CAPRIN1: variants seen among roughly 807,000 people sequenced by gnomAD.
CAPRIN1 encodes the protein cell cycle associated protein 1, also known as caprin-1.
In CAPRIN1, 29 loss-of-function variants were observed where a neutral mutation model predicts 100.9. The ratio of observed to expected loss-of-function variants is 0.29; its 90% CI spans 0.21 to 0.39. The LOEUF (loss-of-function observed/expected upper bound fraction) is 0.39. Ranked by LOEUF, CAPRIN1 falls within the 10% of genes least tolerant of loss-of-function variation. The probability of loss-of-function intolerance (pLI) is 1.00; values close to 1 mark genes in which losing one functional copy is unlikely to be tolerated. For missense variants in CAPRIN1, 795 were observed against 876.7 expected (o/e 0.91, Z 1.18); for synonymous variants, 338 against 307.5 (o/e 1.10, Z -1.04).
At chr11:34,097,018 G>C (rs1476430499) in intron 16 of CAPRIN1, among the ~76,000 whole-genome samples, 178 bp from the exon 17 acceptor site, 1 of 152,138 alleles carries the variant, frequency 6.6e-6, no homozygotes, top group Non-Finnish European at 1.5e-5. Flanking sequence ...TATCTTCTGA[G>C]GGGCAGTTAG....
intron 11 of CAPRIN1, among the ~76,000 whole-genome samples, chr11:34,088,995 ATGG>A (rs953379514): frequency 2.6e-5 from 4 of 152,068 alleles, no homozygotes; most frequent in African/African-American, 9.7e-5. Flanking sequence ...ATTGCTGGGC[ATGG>A]TGGTTCATTC....
At chr11:34,087,320 ATC>A (rs1203500158) in intron 11 of CAPRIN1, among the ~76,000 whole-genome samples, 4 of 139,458 alleles carry the variant, frequency 2.9e-5, no homozygotes, top group Non-Finnish European at 6.1e-5. Flanking sequence ...GGGAGCTCAT[ATC>A]TCTCACATTT....
In CAPRIN1 at chr11:34,058,141, C is replaced by T. The variant is rs546761664; in HGVS notation, c.216+5505C>T. ...TGGAATGGGTGATTTCCAAAATTCT[C>T]GCAGTTTTTTTTGAAACAGAATCTT... On this transcript the variant is annotated intron_variant, in intron 2 of 18. Transcript: ENST00000341394. 1.4e-4 allele frequency among the ~76,000 whole-genome samples: 22 copies of T among 152,082 alleles called. No homozygotes were observed. In the South Asian group the frequency reaches 3.5e-3, roughly 24 times the overall value.
At position 34,090,547 on chromosome 11, in the gene CAPRIN1, A is replaced by G. The variant is rs1316841822; in HGVS notation, c.1423A>G (p.Thr475Ala). 1.9e-6 allele frequency: 3 copies of G among 1,614,092 alleles called. No homozygotes were observed. The highest frequency in any genetic ancestry group is 2.5e-6 in the Non-Finnish European group (3 of 1,179,970). ...TGTTTAGGCAACAATCTCTTTAAAT[A>G]CAGACCAGACTACAGCATCATCATC... ...DQIQATISLNTDQTTASSSLP... is the reference protein window; with the variant it reads ...DQIQATISLNADQTTASSSLP... Residue 475 changes from threonine (T) to alanine (A), a missense_variant, in exon 14 of 19, where the codon ACA becomes GCA. By Grantham distance (58) the Thr-to-Ala change is moderately conservative (BLOSUM62 0). Transcript: ENST00000341394.
chr11:34,068,542 C>T (rs1195268696), intron 2 of CAPRIN1, among the ~76,000 whole-genome samples: 1 of 152,116 alleles, frequency 6.6e-6, no homozygotes, highest in Non-Finnish European at 1.5e-5. Flanking sequence ...TGGAGGTTTT[C>T]TACTCTAGGA....
Position 34,079,681 on chromosome 11 carries a change from A to G in CAPRIN1, c.742A>G (p.Ser248Gly), listed in dbSNP as rs781217086. 5 of 1,614,078 alleles carry G rather than the reference A, an allele frequency of 3.1e-6. No homozygotes were observed. Among genetic ancestry groups the G allele is most frequent in the African/African-American group, 1.3e-5 (1 of 75,046 alleles). The change falls in exon 7 of 19, where the codon AGC (serine) becomes GGC (glycine). Residue 248 changes from serine to glycine, a missense_variant. By Grantham distance (56) the Ser-to-Gly change is moderately conservative. Transcript: ENST00000341394. ...TGTTTTTCAGTCAAACTACTTTGAC[A>G]GCACCCACAACCACCAGAATGGGCT... Reference protein sequence around the residue: ...ERVFQSNYFDSTHNHQNGLCE... With the variant: ...ERVFQSNYFDGTHNHQNGLCE...
intron 4 of CAPRIN1, among the ~76,000 whole-genome samples, chr11:34,072,637 G>A (rs1850825301): frequency 6.6e-6 from 1 of 152,184 alleles, no homozygotes; most frequent in Non-Finnish European, 1.5e-5. Context: ...CAACTTAATA[G>A]TGGGTTTTTG....
chr11:34,100,576 C>CA lies in CAPRIN1; in HGVS notation c.*1212dup, dbSNP rs1468156059. On this transcript the variant is annotated 3_prime_UTR_variant, in exon 19 of 19. Coordinates refer to ENST00000341394, the MANE Select transcript of CAPRIN1 (RefSeq NM_005898.5). ...TTCACCCCATGCCACGTTAGTGTCACAAATTTTATGGTTTATCTCCAGCAA... is the reference window on the plus strand; with the variant it reads ...TTCACCCCATGCCACGTTAGTGTCACAAAATTTTATGGTTTATCTCCAGCAA... The CA allele has an allele frequency of 2.6e-5, 4 of 152,194 alleles. No homozygotes were observed. The highest frequency in any genetic ancestry group is 9.6e-5 in the African/African-American group (4 of 41,458). The allele number at this position is 152,194 out of a possible 1,614,324, so 9.4% of individuals were successfully genotyped here. A position where few individuals can be genotyped will look rare whatever the true frequency, so the allele number is the denominator to read the frequency against.
chr11:34,086,121 C>A lies in CAPRIN1; in HGVS notation c.1024C>A (p.His342Asn). Residue 342 changes from histidine to asparagine, a missense_variant, in exon 10 of 19, where the codon CAC becomes AAC. This residue lies in a region of CAPRIN1 where 648 missense variants were observed against 697.9 expected (regional missense o/e 0.93). Transcript: ENST00000341394. ...TGCATCCCCTTCAGTACCAGAGCCCCACTCTTTGACTCCAGTGGCTCAGGC... is the reference window on the plus strand; with the variant it reads ...TGCATCCCCTTCAGTACCAGAGCCCAACTCTTTGACTCCAGTGGCTCAGGC... ...QAASPSVPEP[H>N]SLTPVAQADP... 6.2e-7 allele frequency: 1 copy of A among 1,614,122 alleles called. No individual in the cohort carries two copies. The highest frequency in any genetic ancestry group is 8.5e-7 in the Non-Finnish European group (1 of 1,180,002).
Position 34,086,238 on chromosome 11 carries a change from G to A in CAPRIN1, c.1122+19G>A, listed in dbSNP as rs4755360. On this transcript the variant is annotated intron_variant, in intron 10 of 18. Transcript: ENST00000341394. ...CATACAGGTATGTTCATTTTAGTCA[G>A]ACTCTGTAACAGAAAGTTTAAGTGT... is the stretch of plus-strand genomic sequence containing the variant. 1 allele frequency: 1,610,574 copies of A among 1,612,962 alleles called. 804,128 individuals carry two copies. The highest frequency in any genetic ancestry group is 1 in the East Asian group (44,868 of 44,868).
chr11:34,089,814 T>C (rs531143967), intron 12 of CAPRIN1, among the ~76,000 whole-genome samples: 9 of 151,958 alleles, frequency 5.9e-5, no homozygotes, highest in Admixed American at 6.5e-5. Context: ...TTTTCTTAAG[T>C]CTTGCATTTT....
intron 9 of CAPRIN1, among the ~76,000 whole-genome samples, chr11:34,085,544 C>G (rs1465305265): frequency 2.0e-5 from 3 of 152,156 alleles, no homozygotes; most frequent in Non-Finnish European, 4.4e-5. Context: ...GTGGCTCATG[C>G]CTGTATTCCC....
At chr11:34,075,357 G>A (rs935881519) in intron 4 of CAPRIN1, among the ~76,000 whole-genome samples, 2 of 152,138 alleles carry the variant, frequency 1.3e-5, no homozygotes, top group African/African-American at 4.8e-5. Flanking sequence ...TGGCTTTTGA[G>A]AAGACTAGCC....
intron 1 of CAPRIN1, chr11:34,052,118 C>G (rs1223959472): frequency 6.6e-6 from 1 of 150,566 alleles, no homozygotes; most frequent in East Asian, 2.0e-4. Flanking sequence ...GCGGCCGGCG[C>G]GGCGATGCCC....
intron 4 of CAPRIN1, among the ~76,000 whole-genome samples, chr11:34,073,641 C>T (rs1216955973): frequency 6.6e-6 from 1 of 152,090 alleles, no homozygotes; most frequent in Admixed American, 6.6e-5. Context: ...CCAGGCTTGT[C>T]TCAAACTCCT....
At chr11:34,069,815 G>A (rs930258780) in intron 2 of CAPRIN1, among the ~76,000 whole-genome samples, 12 of 150,944 alleles carry the variant, frequency 7.9e-5, no homozygotes, top group Non-Finnish European at 1.6e-4. Flanking sequence ...TCCAGTGTTA[G>A]GAAGGAATTG....
At chr11:34,098,895 G>T (rs921625943) in intron 18 of CAPRIN1, 1 of 1,001,656 alleles carries the variant, frequency 1.0e-6, no homozygotes, top group Non-Finnish European at 1.2e-6. Context: ...AATTTTGATA[G>T]TATGATGTTA....
At chr11:34,052,697 C>T in intron 2 of CAPRIN1, 61 bp downstream of exon 2, 1 of 1,513,940 alleles carries the variant, frequency 6.6e-7, no homozygotes, top group South Asian at 1.2e-5. Flanking sequence ...GCCCCTCCGA[C>T]CCTGGTCGCT....
rs1851241423 is a variant in CAPRIN1, at chr11:34,090,512, A to C, written c.1405-17A>C. The C allele has an allele frequency of 6.2e-7, 1 of 1,607,574 alleles. No homozygotes were observed. Among genetic ancestry groups the C allele is most frequent in the African/African-American group, 1.3e-5 (1 of 74,840 alleles). On this transcript the variant is annotated splice_polypyrimidine_tract_variant and intron_variant, in intron 13 of 18. Coordinates refer to ENST00000341394, the MANE Select transcript of CAPRIN1 (RefSeq NM_005898.5). ...TTTAGTTTACCGCTAAAGTGCATCTATTCACTTTGTGTTTAGGCAACAATC... is the reference window on the plus strand; with the variant it reads ...TTTAGTTTACCGCTAAAGTGCATCTCTTCACTTTGTGTTTAGGCAACAATC...
Sources: gnomAD v4.1 joint callset for allele counts (sites outside exome capture counted in the v4.1 genomes callset) on GRCh38, gnomAD v4.1.1 for gene constraint, gnomAD v4.1.1 regional missense constraint, MANE v1.5 for transcripts, NCBI Gene and HGNC (gene_info 2026-07-23, HGNC 2026-07-21) for gene names.